Variants in LSAMP observed in about 807,000 individuals in gnomAD.
LSAMP encodes limbic system associated membrane protein.
LSAMP carries 7 observed loss-of-function variants against 38.6 expected under a neutral mutation model. That is an observed-to-expected ratio of 0.18 (90% CI 0.10 to 0.34). The LOEUF (loss-of-function observed/expected upper bound fraction) is 0.34. LSAMP is among the 10% of genes least tolerant of loss of function. LSAMP has a pLI of 1.00. For synonymous variants in LSAMP, 154 were observed against 166.8 expected, an observed-to-expected ratio of 0.92 and a Z score of 0.59; for missense variants, 313 against 420.0, an observed-to-expected ratio of 0.75 and a Z score of 2.23.
chr3:116,231,827 T>C (rs1044007470), intron 1 of LSAMP, among the ~76,000 whole-genome samples: 1 of 152,196 alleles, frequency 6.6e-6, no homozygotes, highest in African/African-American at 2.4e-5. Context: ...AGAACCTTTA[T>C]ATATCTCAGT....
intron 1 of LSAMP, among the ~76,000 whole-genome samples, chr3:116,233,609 C>T (rs925938631): frequency 5.3e-5 from 8 of 152,008 alleles, no homozygotes; most frequent in Non-Finnish European, 8.8e-5. Context: ...ACCAACCGCT[C>T]TTTATCCCCC....
intron 3 of LSAMP, among the ~76,000 whole-genome samples, chr3:115,931,837 G>A (rs955327462): frequency 1.3e-5 from 2 of 152,136 alleles, no homozygotes; most frequent in Admixed American, 1.3e-4. Flanking sequence ...TTGAGTAACT[G>A]TCTCCAAAAC....
intron 1 of LSAMP, among the ~76,000 whole-genome samples, chr3:116,248,720 C>G (rs747233893): frequency 1.3e-5 from 2 of 152,078 alleles, no homozygotes; most frequent in African/African-American, 4.8e-5. Context: ...CTTCCCCCGA[C>G]TCACTGAGGT....
intron 1 of LSAMP, among the ~76,000 whole-genome samples, chr3:116,207,545 G>T (rs1346437863): frequency 6.6e-6 from 1 of 151,694 alleles, no homozygotes; most frequent in Non-Finnish European, 1.5e-5. Flanking sequence ...GCTGGTCCCG[G>T]TTGTTCCTTT....
chr3:115,908,276 C>T (rs1937058349), intron 3 of LSAMP, among the ~76,000 whole-genome samples: 1 of 152,072 alleles, frequency 6.6e-6, no homozygotes. Context: ...AAACCTACCC[C>T]TCAATATCCA....
intron 3 of LSAMP, among the ~76,000 whole-genome samples, chr3:115,958,851 C>T (rs546205745): frequency 6.6e-6 from 1 of 152,152 alleles, no homozygotes; most frequent in South Asian, 2.1e-4. Flanking sequence ...ACAACTTTCC[C>T]CCTTGAATGA....
chr3:116,074,249 G>C (rs1419096254), intron 2 of LSAMP, among the ~76,000 whole-genome samples: 1 of 152,134 alleles, frequency 6.6e-6, no homozygotes, highest in African/African-American at 2.4e-5. Flanking sequence ...CATTTATACT[G>C]GGTGGTAATG....
chr3:116,386,519 T>C (rs2048628258), intron 1 of LSAMP, among the ~76,000 whole-genome samples: 1 of 152,138 alleles, frequency 6.6e-6, no homozygotes, highest in Admixed American at 6.5e-5. Flanking sequence ...GTTGCCCAGA[T>C]TGGAGAACAG....
intron 1 of LSAMP, among the ~76,000 whole-genome samples, chr3:116,106,365 G>GT (rs1423252544): frequency 1.3e-4 from 20 of 152,012 alleles, no homozygotes; most frequent in African/African-American, 4.1e-4. Context: ...GGGATGACAA[G>GT]TTTTTTTTGG....
chr3:115,927,525 C>G (rs558248319), intron 3 of LSAMP, among the ~76,000 whole-genome samples: 1 of 152,262 alleles, frequency 6.6e-6, no homozygotes, highest in African/African-American at 2.4e-5. Flanking sequence ...AAGAGACAAC[C>G]CCACCCCACA....
chr3:116,022,192 T>A (rs1940657794), intron 2 of LSAMP, among the ~76,000 whole-genome samples: 1 of 152,068 alleles, frequency 6.6e-6, no homozygotes, highest in African/African-American at 2.4e-5. Flanking sequence ...TGATGCAGTG[T>A]TTTTTGCTTT....
rs9848475 is a variant in LSAMP, at chr3:116,060,498, C to T, written c.388+25826G>A. On this transcript the variant is annotated intron_variant, in intron 2 of 6. Transcript: ENST00000490035. ...TCATTTGTCTGGGTGCCGTGGCTCA[C>T]GCCTGTAATCCCAACACTTTGGGAG... Among the ~76,000 whole-genome samples the T allele has an allele frequency of 9.0e-3, 1,378 of 152,318 alleles. 26 individuals are homozygous for T. The highest frequency in any genetic ancestry group is 0.03 in the African/African-American group (1,241 of 41,580).
chr3:116,013,450 T>C (rs574211995), intron 3 of LSAMP, among the ~76,000 whole-genome samples: 2 of 152,286 alleles, frequency 1.3e-5, no homozygotes, highest in South Asian at 2.1e-4. Flanking sequence ...ATTGGGAAAA[T>C]ATGTTTCAAA....
rs1157463514 is a variant in LSAMP, at chr3:115,972,255, A to G, written c.514+47260T>C. 1.5e-4 allele frequency among the ~76,000 whole-genome samples: 23 copies of G among 152,036 alleles called. 2 individuals are homozygous for G. The highest frequency in any genetic ancestry group is 1.5e-3 in the Admixed American group (23 of 15,266). On this transcript the variant is annotated intron_variant, in intron 3 of 6. Coordinates refer to ENST00000490035, the MANE Select transcript of LSAMP (RefSeq NM_002338.5). The stretch of plus-strand genomic sequence containing the variant: ...TAAAAGGAAAGCCAAAATTTATAGC[A>G]ACTAAATCATATGAAAAGGAACTGC...
At chr3:115,987,109 C>A (rs994327162) in intron 3 of LSAMP, among the ~76,000 whole-genome samples, 9 of 152,120 alleles carry the variant, frequency 5.9e-5, no homozygotes, top group Non-Finnish European at 1.2e-4. Flanking sequence ...ATATGGCTCT[C>A]TGGAGGTCAG....
At chr3:116,305,906 G>A (rs2047477895) in intron 1 of LSAMP, among the ~76,000 whole-genome samples, 1 of 147,932 alleles carries the variant, frequency 6.8e-6, no homozygotes, top group Non-Finnish European at 1.5e-5. Flanking sequence ...TTTTATCTCT[G>A]CCTCTTGTAA....
intron 1 of LSAMP, among the ~76,000 whole-genome samples, chr3:116,173,678 A>G (rs1710261997): frequency 6.6e-6 from 1 of 152,078 alleles, no homozygotes; most frequent in Non-Finnish European, 1.5e-5. Context: ...AGTGGAATAT[A>G]GAAGAATTAC....
At chr3:116,310,889 G>A (rs1048997365) in intron 1 of LSAMP, among the ~76,000 whole-genome samples, 17 of 148,212 alleles carry the variant, frequency 1.1e-4, no homozygotes, top group African/African-American at 3.5e-4. Context: ...GATGATGATG[G>A]TGAGGAGGAA....
intron 1 of LSAMP, among the ~76,000 whole-genome samples, chr3:116,393,112 C>A (rs1218944195): frequency 6.6e-6 from 1 of 152,148 alleles, no homozygotes; most frequent in Non-Finnish European, 1.5e-5. Context: ...GAACTTGGGA[C>A]CTGCTGAATG....
Sources: allele counts gnomAD v4.1 joint callset (sites outside exome capture counted in the v4.1 genomes callset), GRCh38; gene constraint gnomAD v4.1.1; transcripts MANE v1.5; gene names NCBI Gene and HGNC (gene_info 2026-07-23, HGNC 2026-07-21).